The following VAT1L variants were observed in gnomAD, a reference collection of about 807,000 sequenced individuals.
VAT1L encodes putative NADPH-dependent quinone oxidoreductase VAT1L.
In VAT1L, 34 loss-of-function variants were observed where a neutral mutation model predicts 44.1. The observed-to-expected ratio is 0.77, with a 90% CI of 0.59 to 1.03. The LOEUF (loss-of-function observed/expected upper bound fraction) is 1.03, where lower values mean the gene tolerates loss of function less well. Ranked by LOEUF, VAT1L falls within the 50% of genes least tolerant of loss-of-function variation. The probability of loss-of-function intolerance (pLI) is 0.00; values close to 1 mark genes in which losing one functional copy is unlikely to be tolerated. For missense variants in VAT1L, 615 were observed against 538.8 expected (o/e 1.14, Z -1.40); for synonymous variants, 253 against 202.2 (o/e 1.25, Z -2.13).
In VAT1L at chr16:77,806,044, G is replaced by A. The variant is rs563172007; in HGVS notation, c.234-10877G>A. ...TGCCCAGCAAATTTTTATATTTTTA[G>A]TAGAGTCAGGGTTTCACCATGTTGG... is the stretch of plus-strand genomic sequence containing the variant. On this transcript the variant is annotated intron_variant, in intron 1 of 8. Coordinates refer to ENST00000302536, the MANE Select transcript of VAT1L (RefSeq NM_020927.3). Among the ~76,000 whole-genome samples the A allele has an allele frequency of 1.4e-3, 212 of 150,620 alleles. 1 individual carries two copies. The highest frequency in any genetic ancestry group is 4.5e-3 in the African/African-American group (184 of 41,136).
chr16:77,853,862 C>T (rs984682910), intron 3 of VAT1L, among the ~76,000 whole-genome samples: 9 of 152,038 alleles, frequency 5.9e-5, no homozygotes, highest in South Asian at 2.1e-4. Context: ...AAAATGAGGC[C>T]GGGCGCCGTG....
intron 1 of VAT1L, among the ~76,000 whole-genome samples, chr16:77,814,200 G>A (rs1173671148): frequency 1.3e-5 from 2 of 152,154 alleles, no homozygotes; most frequent in Non-Finnish European, 2.9e-5. Flanking sequence ...CTCAGCAAAA[G>A]CTAGCTATAT....
chr16:77,964,669 G>A (rs1433589479), intron 7 of VAT1L, among the ~76,000 whole-genome samples: 1 of 151,936 alleles, frequency 6.6e-6, no homozygotes, highest in Admixed American at 6.6e-5. Flanking sequence ...TTGGGAGTGT[G>A]AGGTCATTCT....
chr16:77,852,377 G>C (rs2016816588), intron 3 of VAT1L, among the ~76,000 whole-genome samples: 1 of 152,230 alleles, frequency 6.6e-6, no homozygotes, highest in East Asian at 1.9e-4. Context: ...AGGAAACCCA[G>C]CTGAGGGGGA....
intron 7 of VAT1L, among the ~76,000 whole-genome samples, chr16:77,888,849 T>C (rs373245304): frequency 1.3e-5 from 2 of 152,342 alleles, no homozygotes; most frequent in East Asian, 3.9e-4. Context: ...AAAGGAATTC[T>C]ACGTTCCTGT....
chr16:77,898,541 A>G (rs1028336816), intron 7 of VAT1L, among the ~76,000 whole-genome samples: 1 of 152,080 alleles, frequency 6.6e-6, no homozygotes, highest in Non-Finnish European at 1.5e-5. Context: ...TTGCTTTGCT[A>G]TCTGTGAAAT....
At chr16:77,971,307 C>T (rs986142838) in intron 7 of VAT1L, among the ~76,000 whole-genome samples, 3 of 152,142 alleles carry the variant, frequency 2.0e-5, no homozygotes, top group Non-Finnish European at 4.4e-5. Context: ...GCCCTCTTTC[C>T]TGGGGAGAAT....
chr16:77,912,039 C>T (rs1254133381), intron 7 of VAT1L, among the ~76,000 whole-genome samples: 1 of 152,106 alleles, frequency 6.6e-6, no homozygotes, highest in African/African-American at 2.4e-5. Context: ...AAGGGGTGGG[C>T]CCACCATACC....
chr16:77,850,637 G>T (rs956556053), intron 3 of VAT1L, among the ~76,000 whole-genome samples: 2 of 152,076 alleles, frequency 1.3e-5, no homozygotes, highest in African/African-American at 2.4e-5. Context: ...TGAGTCGTTT[G>T]GTTTTTTGTT....
At chr16:77,874,997 G>A (rs1307142308) in intron 4 of VAT1L, among the ~76,000 whole-genome samples, 1 of 152,172 alleles carries the variant, frequency 6.6e-6, no homozygotes, top group Non-Finnish European at 1.5e-5. Context: ...TCAAAGAAAG[G>A]AAGGATTGCA....
At chr16:77,950,181 G>C (rs2018024516) in intron 7 of VAT1L, among the ~76,000 whole-genome samples, 1 of 152,218 alleles carries the variant, frequency 6.6e-6, no homozygotes, top group Admixed American at 6.5e-5. Context: ...GGCCAAGGCA[G>C]GTGGATGCCT....
intron 7 of VAT1L, among the ~76,000 whole-genome samples, chr16:77,956,491 G>T (rs1474988151): frequency 1.3e-5 from 2 of 152,128 alleles, no homozygotes; most frequent in African/African-American, 4.8e-5. Context: ...GTCAGCTGCC[G>T]CAATGATCAT....
rs66461822 is a variant in VAT1L, at chr16:77,946,279, C to CTTTTTTTTTTTTTTTTTTTTT, written c.1078-25569_1078-25549dup. ...GTTCTGGACATCTAGGTTACTTGTTCTTTTTTTTTTTTTTTTTTTTTTGAG... is the reference window on the plus strand; with the variant it reads ...GTTCTGGACATCTAGGTTACTTGTTCTTTTTTTTTTTTTTTTTTTTTTTTTTTTTTTTTTTTTTTTTTTGAG... On this transcript the variant is annotated intron_variant, in intron 7 of 8. Transcript: ENST00000302536. Among the ~76,000 whole-genome samples, 167 of 70,410 alleles carry CTTTTTTTTTTTTTTTTTTTTT rather than the reference C, an allele frequency of 2.4e-3. 58 individuals carry two copies. The highest frequency in any genetic ancestry group is 9.2e-3 in the East Asian group (15 of 1,630). 46.2% of individuals were successfully genotyped at this position (70,410 alleles called of 152,430 possible). A position where few individuals can be genotyped will look rare whatever the true frequency, so the allele number is the denominator to read the frequency against.
chr16:77,969,602 G>A (rs541168929), intron 7 of VAT1L, among the ~76,000 whole-genome samples: 2 of 152,196 alleles, frequency 1.3e-5, no homozygotes, highest in South Asian at 2.1e-4. Flanking sequence ...AAGAGGGACT[G>A]CAAGATGGAA....
intron 3 of VAT1L, among the ~76,000 whole-genome samples, chr16:77,843,413 G>A (rs1236111825): frequency 6.6e-6 from 1 of 152,122 alleles, no homozygotes; most frequent in Non-Finnish European, 1.5e-5. Context: ...TTGACCCCCA[G>A]GAGAGATGCT....
intron 7 of VAT1L, among the ~76,000 whole-genome samples, chr16:77,894,325 G>T (rs2017298692): frequency 6.6e-6 from 1 of 152,186 alleles, no homozygotes; most frequent in African/African-American, 2.4e-5. Context: ...CTTTGGGTTT[G>T]GCCCAGGCTC....
rs1055776713 is a variant in VAT1L at position 77,962,604 on chromosome 16, C to T, written c.1078-9246C>T. ...TAATCCTATAAGGAAAGAAATAGGC[C>T]GGGAGCAGTGGCTCATGCCTGTAAT... On this transcript the variant is annotated intron_variant, in intron 7 of 8. Coordinates refer to ENST00000302536, the MANE Select transcript of VAT1L (RefSeq NM_020927.3). 4.6e-5 allele frequency among the ~76,000 whole-genome samples: 7 copies of T among 151,908 alleles called. 1 individual carries two copies. Among genetic ancestry groups the T allele is most frequent in the Middle Eastern group, 3.4e-3 (1 of 294 alleles).
intron 3 of VAT1L, among the ~76,000 whole-genome samples, chr16:77,850,547 A>G (rs912113998): frequency 6.6e-6 from 1 of 152,172 alleles, no homozygotes; most frequent in African/African-American, 2.4e-5. Context: ...AGGGGAATTA[A>G]TAATAGCATC....
Position 77,884,164 on chromosome 16 carries a change from T to C in VAT1L, c.883-444T>C, listed in dbSNP as rs958504139. ...TTGCAACAGTGCCTAGAAAAATAGA[T>C]GCTTTTAAAAAAAATACACCACTGT... On this transcript the variant is annotated intron_variant, in intron 6 of 8. Transcript: ENST00000302536. This position sits in a 1 kb window ranked among gnomAD's most constrained non-coding sequence, Gnocchi z 4.5. Among the ~76,000 whole-genome samples, 8 of 152,030 alleles carry C rather than the reference T, an allele frequency of 5.3e-5. No homozygotes were observed. Among genetic ancestry groups the C allele is most frequent in the African/African-American group, 1.9e-4 (8 of 41,388 alleles).
Sources: gnomAD v4.1 joint callset for allele counts (sites outside exome capture counted in the v4.1 genomes callset) on GRCh38, gnomAD v4.1.1 for gene constraint, Gnocchi (gnomAD v3.1) non-coding constraint, MANE v1.5 for transcripts, NCBI Gene and HGNC (gene_info 2026-07-23, HGNC 2026-07-21) for gene names.